The following CNIH3 variants were observed in gnomAD, a reference collection of about 807,000 sequenced individuals.
The protein encoded by CNIH3 is protein cornichon homolog 3.
In CNIH3, 14 loss-of-function variants were observed where a neutral mutation model predicts 24.1. The ratio of observed to expected loss-of-function variants is 0.58; its 90% CI spans 0.38 to 0.91. CNIH3 has a LOEUF of 0.91. Ranked by LOEUF, CNIH3 falls within the 40% of genes least tolerant of loss-of-function variation. The pLI is 0.00. For missense variants in CNIH3, 178 were observed against 196.8 expected (o/e 0.90, Z 0.57); for synonymous variants, 68 against 73.8 (o/e 0.92, Z 0.40).
intron 3 of CNIH3, among the ~76,000 whole-genome samples, chr1:224,561,032 G>A (rs1018722761): frequency 6.6e-6 from 1 of 152,118 alleles, no homozygotes; most frequent in Non-Finnish European, 1.5e-5. Flanking sequence ...GGCCTCTTTT[G>A]TGGAATACCA....
In CNIH3 at chr1:224,703,154, T is replaced by C. The variant is rs1478778739; in HGVS notation, c.198+18311T>C. 1.3e-5 allele frequency among the ~76,000 whole-genome samples: 2 copies of C among 152,056 alleles called. No individual in the cohort carries two copies. Among genetic ancestry groups the C allele is most frequent in the Admixed American group, 1.3e-4 (2 of 15,266 alleles). On this transcript the variant is annotated intron_variant, in intron 3 of 5. Coordinates refer to ENST00000272133, the MANE Select transcript of CNIH3 (RefSeq NM_152495.2). The surrounding 1 kb of genome is among the most constrained non-coding windows in gnomAD (Gnocchi z 4.2). ...CTCAAGGTCCATCTGTCCTGGCTGG[T>C]CAAAACCTTTTTTCTACCTGTTGGA...
chr1:224,673,023 A>C (rs1685945895), intron 1 of CNIH3, among the ~76,000 whole-genome samples: 1 of 152,124 alleles, frequency 6.6e-6, no homozygotes, highest in African/African-American at 2.4e-5. Context: ...AGGATTCATG[A>C]TCTCTTTAAA....
intron 2 of CNIH3, among the ~76,000 whole-genome samples, chr1:224,529,997 A>G (rs900588869): frequency 2.6e-5 from 4 of 152,154 alleles, no homozygotes; most frequent in Admixed American, 6.5e-5. Flanking sequence ...AGCGCTTGCT[A>G]TGTACTGGCA....
At chr1:224,680,629 G>A (rs116782788) in intron 1 of CNIH3, among the ~76,000 whole-genome samples, 3,663 of 152,304 alleles carry the variant, frequency 0.024, 147 homozygotes, top group African/African-American at 0.081. Context: ...GGGGCTAAAA[G>A]TAGTGGTTTG....
At chr1:224,705,170 A>C (rs970640418) in intron 3 of CNIH3, among the ~76,000 whole-genome samples, 6 of 152,090 alleles carry the variant, frequency 3.9e-5, no homozygotes, top group African/African-American at 1.4e-4. Context: ...TGTGTTTCCC[A>C]TAGTTTCCTT....
At chr1:224,434,646 G>C, upstream of CNIH3, 2 of 707,140 alleles carry the variant, frequency 2.8e-6, no homozygotes, top group Non-Finnish European at 3.5e-6. Context: ...GGGCGGCTGC[G>C]GGGGCGCGGG....
chr1:224,543,314 G>A (rs1679582798), intron 2 of CNIH3, among the ~76,000 whole-genome samples: 3 of 152,184 alleles, frequency 2.0e-5, no homozygotes, highest in Admixed American at 2.0e-4. Flanking sequence ...CTGTGTGTCT[G>A]TTTGTTTGCC....
chr1:224,612,244 G>A (rs1292261841), upstream of CNIH3, among the ~76,000 whole-genome samples: 1 of 152,156 alleles, frequency 6.6e-6, no homozygotes, highest in Non-Finnish European at 1.5e-5. The surrounding 1 kb of genome is among the most constrained non-coding windows in gnomAD (Gnocchi z 4.7). Context: ...AAGAGAGTAC[G>A]GAATTACTGG....
intron 3 of CNIH3, among the ~76,000 whole-genome samples, chr1:224,595,290 C>T (rs1443777698): frequency 6.6e-6 from 1 of 152,180 alleles, no homozygotes; most frequent in Admixed American, 6.5e-5. Context: ...AAGTGATCCT[C>T]CCACCTCAGC....
upstream of CNIH3, among the ~76,000 whole-genome samples, chr1:224,511,913 T>G (rs1157258311): frequency 6.6e-6 from 1 of 152,106 alleles, no homozygotes; most frequent in African/African-American, 2.4e-5. Flanking sequence ...TGGTGGCTCA[T>G]GCCTGTAATC....
chr1:224,739,299 T>A, intron 5 of CNIH3, 30 bp from the exon 6 acceptor site: 1 of 502,728 alleles, frequency 2.0e-6, no homozygotes, highest in South Asian at 3.0e-5. Flanking sequence ...TCCTCTCTTT[T>A]TTTTTTTTTT....
chr1:224,521,600 C>G (rs183668854), intron 2 of CNIH3: 2 of 152,212 alleles, frequency 1.3e-5, no homozygotes, highest in East Asian at 1.9e-4. Context: ...TTCTCCCTGA[C>G]CTGGGGTGTT....
rs930306170 is a variant in CNIH3 at position 224,703,116 on chromosome 1, A to G, written c.198+18273A>G. 2.0e-5 allele frequency among the ~76,000 whole-genome samples: 3 copies of G among 152,072 alleles called. No individual in the cohort carries two copies. Among genetic ancestry groups the G allele is most frequent in the African/African-American group, 7.2e-5 (3 of 41,388 alleles). ...GCCCTGTTTTTTTCCAGAGCAGGAA[A>G]CACTTCTGACCTCTCAAGGTCCATC... On this transcript the variant is annotated intron_variant, in intron 3 of 5. Transcript: ENST00000272133. The surrounding 1 kb of genome is among the most constrained non-coding windows in gnomAD (Gnocchi z 4.2).
intron 2 of CNIH3, among the ~76,000 whole-genome samples, chr1:224,682,022 G>A (rs544441654): frequency 1.9e-4 from 29 of 152,164 alleles, no homozygotes; most frequent in African/African-American, 6.3e-4. Context: ...GCGTGATACC[G>A]TCTTAGCTTG....
At chr1:224,449,350 A>G (rs1675295809) in intron 1 of CNIH3, among the ~76,000 whole-genome samples, 1 of 151,920 alleles carries the variant, frequency 6.6e-6, no homozygotes, top group Non-Finnish European at 1.5e-5. Context: ...TACCCTTTTC[A>G]TAGCTTTTAA....
At chr1:224,548,562 ATAT>A (rs1679792440) in intron 3 of CNIH3, among the ~76,000 whole-genome samples, 1 of 151,942 alleles carries the variant, frequency 6.6e-6, no homozygotes, top group Admixed American at 6.6e-5. Context: ...ACATCCTGTG[ATAT>A]TATTCATTAT....
At chr1:224,682,021 C>T (rs1182268466) in intron 2 of CNIH3, among the ~76,000 whole-genome samples, 2 of 151,960 alleles carry the variant, frequency 1.3e-5, no homozygotes, top group Non-Finnish European at 2.9e-5. Context: ...AGCGTGATAC[C>T]GTCTTAGCTT....
chr1:224,584,245 G>C (rs992946874), intron 5 of CNIH3, among the ~76,000 whole-genome samples: 11 of 152,110 alleles, frequency 7.2e-5, no homozygotes, highest in African/African-American at 2.2e-4. Flanking sequence ...AAAGGCATTA[G>C]AAAAAAGAAA....
At chr1:224,488,294 CT>C (rs1363150213) in intron 1 of CNIH3, among the ~76,000 whole-genome samples, 1 of 152,064 alleles carries the variant, frequency 6.6e-6, no homozygotes, top group Non-Finnish European at 1.5e-5. Context: ...TACGTTAAAT[CT>C]TTTGATAAGG....
Sources: gnomAD v4.1 joint callset for allele counts (sites outside exome capture counted in the v4.1 genomes callset) on GRCh38, gnomAD v4.1.1 for gene constraint, Gnocchi (gnomAD v3.1) non-coding constraint, MANE v1.5 for transcripts, NCBI Gene and HGNC (gene_info 2026-07-23, HGNC 2026-07-21) for gene names.